TARBP1: variants seen among roughly 807,000 people sequenced by gnomAD.
TARBP1 encodes the protein tRNA (guanosine(18)-2'-O)-methyltransferase TARBP1.
TARBP1 carries 144 observed loss-of-function variants against 178.6 expected under a neutral mutation model. The ratio of observed to expected loss-of-function variants is 0.81; its 90% CI spans 0.70 to 0.93. The LOEUF (loss-of-function observed/expected upper bound fraction) is 0.93. Among genes scored for constraint, TARBP1 ranks in the 40% least tolerant of loss-of-function variants. The probability of loss-of-function intolerance (pLI) is 0.00; values close to 1 mark genes in which losing one functional copy is unlikely to be tolerated. For synonymous variants in TARBP1, 787 were observed against 781.0 expected (o/e 1.01, Z -0.13); for missense variants, 2,067 against 2,011.7 (o/e 1.03, Z -0.53).
chr1:234,470,615 G>A (rs1163615718), intron 3 of TARBP1, among the ~76,000 whole-genome samples: 2 of 104,944 alleles, frequency 1.9e-5, no homozygotes, highest in African/African-American at 8.8e-5. Context: ...ATTTTAAATT[G>A]TGTTCTTTTT....
intron 29 of TARBP1, 119 bp from the exon 30 acceptor site, chr1:234,391,864 A>T: frequency 3.7e-6 from 4 of 1,071,436 alleles, no homozygotes; most frequent in Non-Finnish European, 5.4e-6. Context: ...GAATGTTACT[A>T]AAAGAAACAT....
chr1:234,441,040 C>T (rs1665539856), intron 12 of TARBP1, among the ~76,000 whole-genome samples: 2 of 152,062 alleles, frequency 1.3e-5, no homozygotes, highest in Admixed American at 6.6e-5. Context: ...AAAGATTAAC[C>T]AGGCATGGTG....
chr1:234,465,180 G>C (rs1194569777), intron 5 of TARBP1, among the ~76,000 whole-genome samples: 1 of 152,192 alleles, frequency 6.6e-6, no homozygotes, highest in Admixed American at 6.5e-5. Flanking sequence ...TGCGCACACA[G>C]GGAGAGGCAA....
chr1:234,417,931 T>C (rs928030510), intron 22 of TARBP1, among the ~76,000 whole-genome samples, 153 bp downstream of exon 22: 3 of 152,332 alleles, frequency 2.0e-5, no homozygotes, highest in South Asian at 2.1e-4. Context: ...TTCTGTCTTC[T>C]GAATTAATTC....
chr1:234,403,256 AAAT>A (rs1380096146), intron 24 of TARBP1, among the ~76,000 whole-genome samples: 13 of 152,298 alleles, frequency 8.5e-5, no homozygotes, highest in Admixed American at 3.9e-4. Context: ...AGCTCTGGGC[AAAT>A]CAAGTGGGGC....
intron 25 of TARBP1, 134 bp downstream of exon 25, chr1:234,401,047 C>T: frequency 1.6e-6 from 1 of 622,586 alleles, no homozygotes; most frequent in East Asian, 2.9e-5. Context: ...AAACTTAGAA[C>T]TTTAAAATGT....
intron 23 of TARBP1, chr1:234,407,192 A>C (rs1661334308): frequency 6.6e-6 from 1 of 152,188 alleles, no homozygotes; most frequent in African/African-American, 2.4e-5. Context: ...CCCTTGTTAC[A>C]GTCTTTTGTT....
At chr1:234,433,285 T>C in intron 14 of TARBP1, 125 bp downstream of exon 14, 1 of 971,538 alleles carries the variant, frequency 1.0e-6, no homozygotes, top group Admixed American at 2.7e-5. Flanking sequence ...CACTAGAGGG[T>C]ATATTTTAAA....
intron 28 of TARBP1, 23 bp from the exon 29 acceptor site, chr1:234,392,575 C>T (rs1659492232): frequency 1.9e-6 from 3 of 1,610,280 alleles, no homozygotes; most frequent in Non-Finnish European, 2.5e-6. Context: ...TTAAAAAGAA[C>T]AGAATATTCA....
At chr1:234,430,837 G>T (rs371730707) in intron 14 of TARBP1, among the ~76,000 whole-genome samples, 99 of 152,276 alleles carry the variant, frequency 6.5e-4, no homozygotes, top group African/African-American at 2.1e-3. Context: ...CAAAGCCCAG[G>T]TCTGAATCCT....
At chr1:234,415,984 C>T (rs934027701) in intron 22 of TARBP1, among the ~76,000 whole-genome samples, 2 of 152,212 alleles carry the variant, frequency 1.3e-5, no homozygotes, top group Non-Finnish European at 2.9e-5. Context: ...AAAACTCTGT[C>T]TGATGTCCAC....
chr1:234,403,267 G>A (rs1660879227), intron 24 of TARBP1, among the ~76,000 whole-genome samples: 1 of 152,064 alleles, frequency 6.6e-6, no homozygotes, highest in Admixed American at 6.6e-5. Context: ...AATCAAGTGG[G>A]GCTGGCCGTT....
At chr1:234,392,721 T>A in intron 28 of TARBP1, 169 bp from the exon 29 acceptor site, 1 of 549,548 alleles carries the variant, frequency 1.8e-6, no homozygotes, top group Non-Finnish European at 2.9e-6. Context: ...TTCTTTTTTT[T>A]TTTTTTTGAG....
At chr1:234,438,111 A>G (rs753751504) in intron 12 of TARBP1, among the ~76,000 whole-genome samples, 67 of 152,196 alleles carry the variant, frequency 4.4e-4, no homozygotes, top group Non-Finnish European at 8.4e-4. Context: ...CACCCACAGA[A>G]GCTAAGTCAG....
intron 24 of TARBP1, among the ~76,000 whole-genome samples, chr1:234,403,401 C>T (rs1256964812): frequency 1.3e-5 from 2 of 152,144 alleles, no homozygotes; most frequent in East Asian, 1.9e-4. Flanking sequence ...CCTAAACCAC[C>T]CAGACTGAAC....
At chr1:234,478,110 G>T (rs1407256045) in intron 1 of TARBP1, 63 bp downstream of exon 1, 2 of 1,521,798 alleles carry the variant, frequency 1.3e-6, no homozygotes, top group Non-Finnish European at 1.8e-6. Context: ...TTAGAAGCAG[G>T]AAGACTCCCC....
At chr1:234,396,647 G>A (rs578193801) in intron 26 of TARBP1, among the ~76,000 whole-genome samples, 77 of 152,028 alleles carry the variant, frequency 5.1e-4, no homozygotes, top group Non-Finnish European at 1.0e-3. Flanking sequence ...AGGATAGTAT[G>A]TCTTAAAACA....
chr1:234,477,133 G>A (rs964613499), intron 1 of TARBP1, among the ~76,000 whole-genome samples: 7 of 152,180 alleles, frequency 4.6e-5, no homozygotes, highest in African/African-American at 1.7e-4. Context: ...TGCGGTGAGC[G>A]GAGATTGTGC....
At chr1:234,412,674 T>C (rs988809803) in intron 22 of TARBP1, among the ~76,000 whole-genome samples, 3 of 151,716 alleles carry the variant, frequency 2.0e-5, no homozygotes, top group African/African-American at 7.3e-5. Flanking sequence ...AGAAGACACA[T>C]GAACTGAGAT....
Sources: allele counts gnomAD v4.1 joint callset (sites outside exome capture counted in the v4.1 genomes callset), GRCh38; gene constraint gnomAD v4.1.1; transcripts MANE v1.5; gene names NCBI Gene and HGNC (gene_info 2026-07-23, HGNC 2026-07-21).